HEXB: variants seen among roughly 807,000 people sequenced by gnomAD.
HEXB encodes hexosaminidase subunit beta.
Under a neutral mutation model 71.2 loss-of-function variants are expected in HEXB, and 51 were observed. The ratio of observed to expected loss-of-function variants is 0.72; its 90% CI spans 0.57 to 0.90. HEXB has a LOEUF of 0.90. Among genes scored for constraint, HEXB ranks in the 40% least tolerant of loss-of-function variants. The pLI is 0.00. For synonymous variants in HEXB, 266 were observed against 249.3 expected, an observed-to-expected ratio of 1.07 and a Z score of -0.63; for missense variants, 617 against 677.0, an observed-to-expected ratio of 0.91 and a Z score of 0.98.
intron 1 of HEXB, among the ~76,000 whole-genome samples, chr5:74,644,061 G>A (rs1436434918): frequency 6.6e-6 from 1 of 152,224 alleles, no homozygotes; most frequent in Non-Finnish European, 1.5e-5. Context: ...ATAGTGTCAA[G>A]TTCGTGTTGG....
chr5:74,666,933 C>G (rs919617210), intron 1 of HEXB, among the ~76,000 whole-genome samples: 2 of 152,120 alleles, frequency 1.3e-5, no homozygotes, highest in Non-Finnish European at 2.9e-5. Context: ...ATGTGTCTAG[C>G]AGCAAGTGTT....
At chr5:74,656,730 G>A (rs1170949458) in intron 1 of HEXB, among the ~76,000 whole-genome samples, 1 of 152,048 alleles carries the variant, frequency 6.6e-6, no homozygotes, top group African/African-American at 2.4e-5. Context: ...TCCTGCCTCA[G>A]CCTCCTGAGG....
intron 1 of HEXB, among the ~76,000 whole-genome samples, chr5:74,649,279 A>G (rs1293000296): frequency 6.6e-6 from 1 of 152,172 alleles, no homozygotes; most frequent in African/African-American, 2.4e-5. Flanking sequence ...CAACTAGCCA[A>G]CCCAGTGCCA....
At chr5:74,718,395 A>T in intron 10 of HEXB, 32 bp downstream of exon 10, 1 of 1,450,504 alleles carries the variant, frequency 6.9e-7, no homozygotes, top group Non-Finnish European at 9.7e-7. Flanking sequence ...TCTGATCAAT[A>T]TAAGAGACTT....
intron 1 of HEXB, among the ~76,000 whole-genome samples, chr5:74,654,461 C>G (rs1307875955): frequency 6.6e-6 from 1 of 152,136 alleles, no homozygotes; most frequent in African/African-American, 2.4e-5. Flanking sequence ...GATATACTAA[C>G]AGCTCCCCAA....
intron 1 of HEXB, among the ~76,000 whole-genome samples, chr5:74,667,435 T>A (rs746605060): frequency 3.3e-5 from 5 of 152,022 alleles, no homozygotes; most frequent in Non-Finnish European, 7.4e-5. Flanking sequence ...AAAATTACCA[T>A]ACAGTCCATT....
chr5:74,674,363 G>A (rs1748592361), intron 1 of HEXB, among the ~76,000 whole-genome samples: 1 of 151,992 alleles, frequency 6.6e-6, no homozygotes, highest in Non-Finnish European at 1.5e-5. Context: ...CGGCACTTTG[G>A]GAGGCCGAGG....
At chr5:74,644,953 G>C (rs760366284) in intron 1 of HEXB, among the ~76,000 whole-genome samples, 1 of 151,356 alleles carries the variant, frequency 6.6e-6, no homozygotes, top group Non-Finnish European at 1.5e-5. Flanking sequence ...TGTATTTTTA[G>C]TACAGACAGG....
At chr5:74,658,381 A>T (rs1270203502) in intron 1 of HEXB, among the ~76,000 whole-genome samples, 2 of 152,190 alleles carry the variant, frequency 1.3e-5, no homozygotes, top group Non-Finnish European at 2.9e-5. Context: ...TTGCCCAAAG[A>T]CAGGTCAGCC....
At chr5:74,683,813 T>TTTTC (rs4063871), upstream of HEXB, among the ~76,000 whole-genome samples, 5 of 130,570 alleles carry the variant, frequency 3.8e-5, no homozygotes, top group African/African-American at 1.5e-4. Context: ...ATTACATTTC[T>TTTTC]TTTCTTTCTT....
intron 1 of HEXB, among the ~76,000 whole-genome samples, chr5:74,647,269 T>G (rs1052841281): frequency 1.3e-5 from 2 of 152,264 alleles, no homozygotes; most frequent in Non-Finnish European, 1.5e-5. Context: ...TTGTTTGGCC[T>G]CTATGCTCTG....
chr5:74,698,636 T>C (rs994401572), intron 5 of HEXB, among the ~76,000 whole-genome samples: 2 of 151,860 alleles, frequency 1.3e-5, no homozygotes, highest in Admixed American at 6.6e-5. Flanking sequence ...GTGATCCGCC[T>C]GCCTCAGCCT....
At chr5:74,719,116 C>T in intron 11 of HEXB, 145 bp downstream of exon 11, 1 of 750,616 alleles carries the variant, frequency 1.3e-6, no homozygotes, top group Non-Finnish European at 2.4e-6. Context: ...TACCAACTAT[C>T]TTTTATGTTT....
At chr5:74,698,934 C>A (rs528551702) in intron 5 of HEXB, among the ~76,000 whole-genome samples, 1 of 152,106 alleles carries the variant, frequency 6.6e-6, no homozygotes, top group South Asian at 2.1e-4. Flanking sequence ...CCTGTAATCC[C>A]AGCACTTTGG....
chr5:74,692,275 A>G (rs1235070392), intron 2 of HEXB, among the ~76,000 whole-genome samples: 1 of 149,406 alleles, frequency 6.7e-6, no homozygotes, highest in Non-Finnish European at 1.5e-5. Context: ...AGGCCGGTAG[A>G]TGGCTTGAGC....
At position 74,641,372 on chromosome 5, in the gene HEXB, A is replaced by T. The variant is rs1312491512; in HGVS notation, c.-377+814A>T. ...GAGACTCCAGCCCCAGGCATTTCCT[A>T]TGTGTCCTCCCTCCCCACTCCCCAG... On this transcript the variant is annotated intron_variant, in intron 1 of 13. Transcript: ENST00000511181. This position sits in a 1 kb window ranked among gnomAD's most constrained non-coding sequence, Gnocchi z 4.1. 6.6e-6 allele frequency: 1 copy of T among 152,328 alleles called. No homozygotes were observed. The highest frequency in any genetic ancestry group is 2.1e-4 in the South Asian group (1 of 4,834). The allele number at this position is 152,328 out of a possible 1,614,324, so 9.4% of individuals were successfully genotyped here.
At chr5:74,679,669 C>T (rs1036522634) in intron 1 of HEXB, among the ~76,000 whole-genome samples, 5 of 151,606 alleles carry the variant, frequency 3.3e-5, no homozygotes, top group Non-Finnish European at 5.9e-5. Context: ...GAGTGGTGGC[C>T]CACACCTGTA....
At chr5:74,667,443 A>C (rs1748452524) in intron 1 of HEXB, among the ~76,000 whole-genome samples, 1 of 152,144 alleles carries the variant, frequency 6.6e-6, no homozygotes, top group African/African-American at 2.4e-5. Context: ...CATACAGTCC[A>C]TTCTTGTGAG....
intron 11 of HEXB, chr5:74,720,092 G>T (rs2112184057): frequency 6.1e-6 from 2 of 325,992 alleles, no homozygotes; most frequent in African/African-American, 2.1e-5. Context: ...GGCAACCAGG[G>T]ATTTAAAAAA....
Sources: allele counts gnomAD v4.1 joint callset (sites outside exome capture counted in the v4.1 genomes callset), GRCh38; gene constraint gnomAD v4.1.1; non-coding constraint Gnocchi (gnomAD v3.1); transcripts MANE v1.5; gene names NCBI Gene and HGNC (gene_info 2026-07-23, HGNC 2026-07-21).